The following ALDH1A2 variants were observed in gnomAD, a reference collection of about 807,000 sequenced individuals.
The protein encoded by ALDH1A2 is aldehyde dehydrogenase 1 family member A2.
In ALDH1A2, 27 loss-of-function variants were observed where a neutral mutation model predicts 60.3. The observed-to-expected ratio is 0.45, with a 90% CI of 0.33 to 0.62. ALDH1A2 has a LOEUF of 0.62. Ranked by LOEUF, ALDH1A2 falls within the 20% of genes least tolerant of loss-of-function variation. The pLI is 0.02. For missense variants in ALDH1A2, 581 were observed against 643.8 expected (o/e 0.90, Z 1.06); for synonymous variants, 289 against 232.4 (o/e 1.24, Z -2.21).
chr15:58,035,135 CA>C (rs1225308495), intron 1 of ALDH1A2, among the ~76,000 whole-genome samples: 1 of 151,586 alleles, frequency 6.6e-6, no homozygotes, highest in Non-Finnish European at 1.5e-5. Flanking sequence ...ATTTCTTGAA[CA>C]GATACAGGCC....
chr15:58,032,148 A>C (rs1303456192), intron 1 of ALDH1A2, among the ~76,000 whole-genome samples: 4 of 152,058 alleles, frequency 2.6e-5, no homozygotes, highest in Admixed American at 6.5e-5. Context: ...AATGTGGCAC[A>C]TATACACCAT....
chr15:57,966,373 C>T (rs182025599), intron 7 of ALDH1A2, among the ~76,000 whole-genome samples: 37 of 152,284 alleles, frequency 2.4e-4, no homozygotes, highest in African/African-American at 6.7e-4. Context: ...TTTGTGCAAT[C>T]TTGTAAATGC....
At chr15:57,959,722 C>T (rs1352592911) in intron 12 of ALDH1A2, among the ~76,000 whole-genome samples, 1 of 152,148 alleles carries the variant, frequency 6.6e-6, no homozygotes, top group African/African-American at 2.4e-5. Context: ...CAAGGTTGCA[C>T]AGGTAGTAAT....
At chr15:58,016,436 C>A (rs1292717115) in intron 1 of ALDH1A2, among the ~76,000 whole-genome samples, 3 of 152,120 alleles carry the variant, frequency 2.0e-5, no homozygotes, top group African/African-American at 7.2e-5. Context: ...CTGCACCCGG[C>A]CCCAAGTTCA....
chr15:57,955,098 G>T lies in ALDH1A2; in HGVS notation c.*99C>A. 8.0e-7 allele frequency: 1 copy of T among 1,252,346 alleles called. No individual in the cohort carries two copies. The highest frequency in any genetic ancestry group is 1.2e-6 in the Non-Finnish European group (1 of 849,996). The allele number at this position is 1,252,346 out of a possible 1,614,324, so 77.6% of individuals were successfully genotyped here. ...GTTATCTTTTCAATCTTTAAGTAAG[G>T]ACCGTGGCTCAACTTTGTATTCCTG... is the stretch of plus-strand genomic sequence containing the variant. On this transcript the variant is annotated 3_prime_UTR_variant, in exon 13 of 13. Coordinates refer to ENST00000249750, the MANE Select transcript of ALDH1A2 (RefSeq NM_003888.4).
intron 4 of ALDH1A2, among the ~76,000 whole-genome samples, chr15:58,005,132 G>A (rs1895407071): frequency 1.3e-5 from 2 of 151,734 alleles, no homozygotes; most frequent in Non-Finnish European, 2.9e-5. Context: ...ACTAACTCAT[G>A]GTACTCTCCT....
chr15:57,995,585 C>T (rs966831714), intron 4 of ALDH1A2, among the ~76,000 whole-genome samples: 2 of 152,046 alleles, frequency 1.3e-5, no homozygotes, highest in Admixed American at 6.6e-5. Flanking sequence ...TTAAAATGCT[C>T]GGCAACTGGA....
intron 7 of ALDH1A2, among the ~76,000 whole-genome samples, chr15:57,979,374 A>G (rs1894398831): frequency 6.6e-6 from 1 of 152,236 alleles, no homozygotes; most frequent in Admixed American, 6.5e-5. Flanking sequence ...AAGTGGGAAG[A>G]GGCAAGGCAA....
At chr15:58,023,823 G>T (rs1313756173) in intron 1 of ALDH1A2, among the ~76,000 whole-genome samples, 1 of 152,180 alleles carries the variant, frequency 6.6e-6, no homozygotes, top group African/African-American at 2.4e-5. Context: ...TGGGCAGGGT[G>T]GTGCATGCTT....
At chr15:57,988,369 T>C (rs1015215117) in intron 7 of ALDH1A2, among the ~76,000 whole-genome samples, 4 of 152,134 alleles carry the variant, frequency 2.6e-5, no homozygotes, top group African/African-American at 9.7e-5. Flanking sequence ...TAAAATTATC[T>C]AACTCAACCA....
At chr15:58,011,234 G>A (rs1895624620) in intron 3 of ALDH1A2, among the ~76,000 whole-genome samples, 1 of 152,042 alleles carries the variant, frequency 6.6e-6, no homozygotes, top group African/African-American at 2.4e-5. Context: ...GCTGAGAAAT[G>A]GAATATCCAT....
intron 1 of ALDH1A2, among the ~76,000 whole-genome samples, chr15:58,049,698 C>G (rs939370679): frequency 1.3e-5 from 2 of 152,096 alleles, no homozygotes; most frequent in African/African-American, 4.8e-5. Context: ...ACTTCTGACA[C>G]TGCCATAGAG....
intron 1 of ALDH1A2, among the ~76,000 whole-genome samples, chr15:58,025,550 A>T (rs1221699613): frequency 6.6e-6 from 1 of 152,228 alleles, no homozygotes; most frequent in African/African-American, 2.4e-5. Context: ...AGCCCAAGAC[A>T]AGAATCCAGC....
chr15:58,049,828 C>A (rs990859776), intron 1 of ALDH1A2, among the ~76,000 whole-genome samples: 14 of 151,944 alleles, frequency 9.2e-5, no homozygotes, highest in African/African-American at 3.1e-4. Flanking sequence ...CTTTTATGTA[C>A]CCCCCTGTCT....
intron 4 of ALDH1A2, 77 bp from the exon 5 acceptor site, chr15:57,995,216 G>GGA: frequency 3.5e-6 from 1 of 283,676 alleles, no homozygotes; most frequent in South Asian, 8.1e-5. Flanking sequence ...TTTGGTGGCT[G>GGA]CAAAAAAAAA....
At chr15:58,064,102 T>C (rs1897110947) in intron 1 of ALDH1A2, among the ~76,000 whole-genome samples, 1 of 152,150 alleles carries the variant, frequency 6.6e-6, no homozygotes, top group Non-Finnish European at 1.5e-5. Flanking sequence ...TTTTCTCCTG[T>C]GTAGATCTTC....
At chr15:58,041,727 A>T (rs1252180443) in intron 1 of ALDH1A2, among the ~76,000 whole-genome samples, 1 of 151,970 alleles carries the variant, frequency 6.6e-6, no homozygotes, top group African/African-American at 2.4e-5. Context: ...ACCTTTGTAT[A>T]GGAGTCCTCC....
chr15:57,979,130 G>A (rs1052566923), intron 7 of ALDH1A2, among the ~76,000 whole-genome samples: 3 of 152,034 alleles, frequency 2.0e-5, no homozygotes, highest in Non-Finnish European at 4.4e-5. Context: ...TTCCCCACTG[G>A]GCCCTGAGGC....
At chr15:57,972,588 C>T (rs1894107452) in intron 7 of ALDH1A2, among the ~76,000 whole-genome samples, 1 of 124,520 alleles carries the variant, frequency 8.0e-6, no homozygotes, top group Non-Finnish European at 1.8e-5. Flanking sequence ...GAATCTTTGA[C>T]TTAGCATAGT....
Sources: allele counts gnomAD v4.1 joint callset (sites outside exome capture counted in the v4.1 genomes callset), GRCh38; gene constraint gnomAD v4.1.1; transcripts MANE v1.5; gene names NCBI Gene and HGNC (gene_info 2026-07-23, HGNC 2026-07-21).